GDAP1: variants seen among roughly 807,000 people sequenced by gnomAD.
GDAP1 encodes the protein ganglioside-induced differentiation-associated protein 1.
In GDAP1, 34 loss-of-function variants were observed where a neutral mutation model predicts 40.1. The observed-to-expected ratio is 0.85, with a 90% confidence interval of 0.64 to 1.13. The LOEUF (loss-of-function observed/expected upper bound fraction) is 1.13, where lower values mean the gene tolerates loss of function less well. Ranked by LOEUF, GDAP1 falls within the 50% of genes most tolerant of loss-of-function variation. GDAP1 has a pLI of 0.00. For synonymous variants in GDAP1, 170 were observed against 157.4 expected (o/e 1.08, Z -0.60); for missense variants, 374 against 433.7 (o/e 0.86, Z 1.22).
In GDAP1 at chr8:74,350,551, T is replaced by G; in HGVS notation, c.90T>G (p.His30Gln). 1 of 1,609,070 alleles carries G rather than the reference T, an allele frequency of 6.2e-7. No homozygotes were observed. The highest frequency in any genetic ancestry group is 8.5e-7 in the Non-Finnish European group (1 of 1,175,394). ...ADAEVKLILY[H>Q]WTHSFSSQKV... ...CGGAGGTTAAGCTCATTCTGTACCATTGGACGCATTCCTTCAGCTCTCAAA... is the reference window on the plus strand; with the variant it reads ...CGGAGGTTAAGCTCATTCTGTACCAGTGGACGCATTCCTTCAGCTCTCAAA... Residue 30 changes from histidine to glutamine, a missense_variant, in exon 1 of 6, where the codon CAT (histidine) becomes CAG (glutamine). By Grantham distance (24) the His-to-Gln change is conservative (BLOSUM62 0). Transcript: ENST00000220822.
At chr8:74,379,697 T>C (rs1038752658) in intron 2 of GDAP1, among the ~76,000 whole-genome samples, 3 of 152,160 alleles carry the variant, frequency 2.0e-5, no homozygotes, top group Non-Finnish European at 4.4e-5. Context: ...ATAGCAGGGA[T>C]CTGGATCGGT....
intron 2 of GDAP1, among the ~76,000 whole-genome samples, chr8:74,480,282 C>T (rs537548991): frequency 1.2e-4 from 19 of 152,070 alleles, no homozygotes; most frequent in South Asian, 2.1e-4. Flanking sequence ...CCACTGCGCC[C>T]GGCCGGCTCT....
intron 1 of GDAP1, 70 bp from the exon 2 acceptor site, chr8:74,351,204 A>G: frequency 8.1e-7 from 1 of 1,241,948 alleles, no homozygotes; most frequent in Non-Finnish European, 1.2e-6. Context: ...AAGGCTGCTT[A>G]GCGGTGTCCA....
chr8:74,466,602 AACTCTGAATTT>A (rs1331759422), intron 2 of GDAP1, among the ~76,000 whole-genome samples: 3 of 152,342 alleles, frequency 2.0e-5, no homozygotes, highest in African/African-American at 7.2e-5. Flanking sequence ...GATCAAGGAT[AACTCTGAATTT>A]ATTGGTTTGA....
At chr8:74,398,759 GA>G (rs1037100883) in intron 2 of GDAP1, among the ~76,000 whole-genome samples, 5 of 152,118 alleles carry the variant, frequency 3.3e-5, no homozygotes, top group Non-Finnish European at 5.9e-5. Context: ...TTAGCATGAA[GA>G]GTTGTTGAAT....
chr8:74,359,330 A>G (rs566837859), intron 2 of GDAP1, among the ~76,000 whole-genome samples: 31 of 152,304 alleles, frequency 2.0e-4, no homozygotes, highest in African/African-American at 7.2e-4. Context: ...TTAAACACCT[A>G]CTACATGTCA....
chr8:74,431,470 C>CTTATTTAT lies in GDAP1; in HGVS notation c.166-57189_166-57182dup, dbSNP rs147759233. Among the ~76,000 whole-genome samples the CTTATTTAT allele has an allele frequency of 3.2e-3, 484 of 149,538 alleles. 1 individual carries two copies. The highest frequency in any genetic ancestry group is 6.8e-3 in the Middle Eastern group (2 of 294). On this transcript the variant is annotated intron_variant, in intron 2 of 2. Transcript: ENST00000523640. Reference sequence around the variant, plus strand: ...AATGTGAACATGTTCAAAATTCTTTCTTATTTATTTATTTATTTATTTATT... The same window carrying CTTATTTAT: ...AATGTGAACATGTTCAAAATTCTTTCTTATTTATTTATTTATTTATTTATTTATTTATT...
At chr8:74,407,014 A>T (rs1805649373) in intron 2 of GDAP1, among the ~76,000 whole-genome samples, 1 of 149,972 alleles carries the variant, frequency 6.7e-6, no homozygotes. Flanking sequence ...GTCTGCTGAC[A>T]TAATTCTTCA....
At chr8:74,439,805 A>T (rs1416401842) in intron 2 of GDAP1, among the ~76,000 whole-genome samples, 1 of 152,030 alleles carries the variant, frequency 6.6e-6, no homozygotes, top group Non-Finnish European at 1.5e-5. Context: ...AAACTGTTGT[A>T]ATAAAGACTT....
chr8:74,355,629 AATCT>A (rs1173078806), intron 2 of GDAP1, among the ~76,000 whole-genome samples: 4 of 152,226 alleles, frequency 2.6e-5, no homozygotes, highest in Non-Finnish European at 5.9e-5. Flanking sequence ...TGGATTTTTC[AATCT>A]ATCTATTGTA....
intron 2 of GDAP1, among the ~76,000 whole-genome samples, chr8:74,431,914 A>G (rs1806031679): frequency 6.6e-6 from 1 of 152,204 alleles, no homozygotes; most frequent in Non-Finnish European, 1.5e-5. Context: ...CTGTTTTATA[A>G]TCAGAAAAGT....
intron 2 of GDAP1, among the ~76,000 whole-genome samples, chr8:74,446,718 G>T (rs1806233797): frequency 6.6e-6 from 1 of 152,084 alleles, no homozygotes; most frequent in South Asian, 2.1e-4. Flanking sequence ...ATGAAATATT[G>T]TTCAGTCACA....
At chr8:74,395,058 A>G (rs192365621) in intron 2 of GDAP1, among the ~76,000 whole-genome samples, 4 of 152,252 alleles carry the variant, frequency 2.6e-5, no homozygotes, top group East Asian at 3.9e-4. Flanking sequence ...GGCATTTTCT[A>G]TATTTTATTC....
At chr8:74,476,031 G>A (rs916720306) in intron 2 of GDAP1, among the ~76,000 whole-genome samples, 11 of 152,106 alleles carry the variant, frequency 7.2e-5, no homozygotes, top group African/African-American at 2.7e-4. Flanking sequence ...TTCACCACTT[G>A]TAATACCCTT....
At chr8:74,373,849 A>G (rs1311408601) in intron 2 of GDAP1, among the ~76,000 whole-genome samples, 3 of 152,142 alleles carry the variant, frequency 2.0e-5, no homozygotes, top group Admixed American at 6.5e-5. Flanking sequence ...TTCAAAGGGA[A>G]TGCTTCCAGT....
Position 74,452,913 on chromosome 8 carries a change from CT to C in GDAP1, c.166-35756del, listed in dbSNP as rs1275757594. On this transcript the variant is annotated intron_variant, in intron 2 of 2. Coordinates refer to the GDAP1 transcript ENST00000523640. ...TTCTGTTATTTTCCTTGAAAGAGTG[CT>C]TTTTTTTTGTTCTAGTAAGCATTTG... 1.2e-4 allele frequency among the ~76,000 whole-genome samples: 10 copies of C among 81,216 alleles called. 2 individuals carry two copies. The highest frequency in any genetic ancestry group is 7.3e-4 in the East Asian group (2 of 2,740). The allele number at this position is 81,216 out of a possible 152,430, so 53.3% of individuals were successfully genotyped here. A position where few individuals can be genotyped will look rare whatever the true frequency, so the allele number is the denominator to read the frequency against.
chr8:74,453,289 A>G (rs1422545739), intron 2 of GDAP1, among the ~76,000 whole-genome samples: 1 of 84,916 alleles, frequency 1.2e-5, no homozygotes, highest in African/African-American at 5.1e-5. Flanking sequence ...ATCTTAAAAA[A>G]GAATATTTTT....
intron 2 of GDAP1, among the ~76,000 whole-genome samples, chr8:74,419,134 T>C (rs533743031): frequency 5.3e-4 from 81 of 152,332 alleles, no homozygotes; most frequent in Non-Finnish European, 8.5e-4. Context: ...TTCTTATAGT[T>C]AAACCTGCAC....
rs758467089 is a variant in GDAP1 at position 74,366,669 on chromosome 8, A to G, written c.*2302A>G. Reference sequence around the variant, plus strand: ...GCTTTTTGTGTCTTAACACACATAAATACTATTGTTATTGCAGCAGATGCC... The same window carrying G: ...GCTTTTTGTGTCTTAACACACATAAGTACTATTGTTATTGCAGCAGATGCC... On this transcript the variant is annotated 3_prime_UTR_variant, in exon 6 of 6. Transcript: ENST00000220822. 1 of 453,408 alleles carries G rather than the reference A, an allele frequency of 2.2e-6. No homozygotes were observed. Among genetic ancestry groups the G allele is most frequent in the South Asian group, 1.6e-5 (1 of 64,364 alleles). 28.1% of individuals were successfully genotyped at this position (453,408 alleles called of 1,614,324 possible). A position where few individuals can be genotyped will look rare whatever the true frequency, so the allele number is the denominator to read the frequency against.
Sources: allele counts gnomAD v4.1 joint callset (sites outside exome capture counted in the v4.1 genomes callset), GRCh38; gene constraint gnomAD v4.1.1; transcripts MANE v1.5; gene names NCBI Gene and HGNC (gene_info 2026-07-23, HGNC 2026-07-21).